GRM1: variants seen among roughly 807,000 people sequenced by gnomAD.
GRM1 encodes the protein glutamate metabotropic receptor 1, also known as metabotropic glutamate receptor 1.
Under a neutral mutation model 90.9 loss-of-function variants are expected in GRM1, and 33 were observed. The observed-to-expected ratio is 0.36, with a 90% CI of 0.28 to 0.49. The LOEUF (loss-of-function observed/expected upper bound fraction) is 0.49, where lower values mean the gene tolerates loss of function less well. Ranked by LOEUF, GRM1 falls within the 20% of genes least tolerant of loss-of-function variation. GRM1 has a pLI of 0.99. For missense variants in GRM1, 1,190 were observed against 1,534.3 expected (o/e 0.78, Z 3.75); for synonymous variants, 700 against 613.2 (o/e 1.14, Z -2.09).
chr6:146,062,596 A>C (rs1204239703), intron 1 of GRM1, among the ~76,000 whole-genome samples: 1 of 151,960 alleles, frequency 6.6e-6, no homozygotes, highest in Non-Finnish European at 1.5e-5. Context: ...TTTTTCCTTC[A>C]ATTTATCCAG....
upstream of GRM1, among the ~76,000 whole-genome samples, chr6:146,028,263 G>GTA (rs1470241605): frequency 1.3e-3 from 189 of 144,532 alleles, 2 homozygotes; most frequent in African/African-American, 4.9e-3. Flanking sequence ...GTGTGTGTGT[G>GTA]TGTGTGTGTG....
At chr6:146,254,442 T>A (rs1781414996) in intron 2 of GRM1, among the ~76,000 whole-genome samples, 1 of 152,210 alleles carries the variant, frequency 6.6e-6, no homozygotes, top group Non-Finnish European at 1.5e-5. Flanking sequence ...GGATTCTTGC[T>A]AGACAAAAAC....
intron 1 of GRM1, among the ~76,000 whole-genome samples, chr6:146,063,079 T>C (rs1473455302): frequency 6.6e-6 from 1 of 152,156 alleles, no homozygotes; most frequent in African/African-American, 2.4e-5. Flanking sequence ...CACCTTTGCT[T>C]AGACTTTTCT....
chr6:146,434,343 G>A lies in GRM1; in HGVS notation c.3132G>A (p.Ala1044=), dbSNP rs1429153080. The A allele has an allele frequency of 6.2e-6, 10 of 1,612,538 alleles. No homozygotes were observed. Among genetic ancestry groups the A allele is most frequent in the Non-Finnish European group, 8.5e-6 (10 of 1,178,952 alleles). ...LQGVVSNFST[A]IPDFHAVLAG... ...GAGTGGTCAGCAACTTCAGTACCGC[G>A]ATCCCGGATTTTCACGCGGTGCTGG... Residue 1044 remains alanine, a synonymous_variant, in exon 8 of 8, where the codon GCG becomes GCA. Coordinates refer to ENST00000282753, the MANE Select transcript of GRM1 (RefSeq NM_001278064.2).
At chr6:146,223,610 C>G (rs995655730) in intron 2 of GRM1, among the ~76,000 whole-genome samples, 1 of 151,976 alleles carries the variant, frequency 6.6e-6, no homozygotes, top group African/African-American at 2.4e-5. Context: ...AATTTTTTTT[C>G]AGGAATATCA....
intron 2 of GRM1, among the ~76,000 whole-genome samples, chr6:146,187,782 A>G (rs921542534): frequency 6.6e-5 from 10 of 151,616 alleles, no homozygotes; most frequent in Non-Finnish European, 1.0e-4. Context: ...TTTTTTATAA[A>G]ACAACACAAA....
intron 5 of GRM1, among the ~76,000 whole-genome samples, chr6:146,365,921 G>A (rs1057327851): frequency 6.6e-6 from 1 of 152,170 alleles, no homozygotes; most frequent in African/African-American, 2.4e-5. Context: ...GTCCCTGAGG[G>A]AGAAAGTCTC....
chr6:146,263,875 G>A (rs913526895), intron 2 of GRM1, among the ~76,000 whole-genome samples: 1 of 152,074 alleles, frequency 6.6e-6, no homozygotes, highest in East Asian at 1.9e-4. Flanking sequence ...TTGCTGTAAT[G>A]ACATTAAAAG....
At chr6:146,150,209 A>T (rs775105189) in intron 1 of GRM1, among the ~76,000 whole-genome samples, 2 of 152,174 alleles carry the variant, frequency 1.3e-5, no homozygotes, top group Non-Finnish European at 2.9e-5. Context: ...CCCAAAGAAT[A>T]ATTTAAACCA....
chr6:146,392,471 C>A (rs184929113), intron 6 of GRM1, among the ~76,000 whole-genome samples: 1 of 152,314 alleles, frequency 6.6e-6, no homozygotes, highest in Admixed American at 6.5e-5. Context: ...TATCTAAACT[C>A]ATGCAATCTT....
intron 2 of GRM1, among the ~76,000 whole-genome samples, chr6:146,248,185 G>C (rs1240955257): frequency 6.6e-6 from 1 of 151,914 alleles, no homozygotes; most frequent in South Asian, 2.1e-4. Context: ...ACCCATACCA[G>C]TGTAGCTGCT....
intron 3 of GRM1, among the ~76,000 whole-genome samples, chr6:146,311,997 T>C (rs547495234): frequency 6.6e-6 from 1 of 152,278 alleles, no homozygotes; most frequent in African/African-American, 2.4e-5. Context: ...TAATTTTTTA[T>C]TTTAATTTTG....
chr6:146,411,432 T>C (rs1282356246), intron 7 of GRM1, among the ~76,000 whole-genome samples: 1 of 152,188 alleles, frequency 6.6e-6, no homozygotes, highest in Admixed American at 6.5e-5. Context: ...GACAGGCCTC[T>C]AGGGCCAGAT....
intron 2 of GRM1, among the ~76,000 whole-genome samples, chr6:146,303,671 G>A (rs376894990): frequency 1.3e-4 from 20 of 152,154 alleles, no homozygotes; most frequent in Admixed American, 2.6e-4. Flanking sequence ...CACATGGGCC[G>A]ACCTCGTGCC....
chr6:146,064,812 G>T (rs1008903606), intron 1 of GRM1, among the ~76,000 whole-genome samples: 5 of 150,074 alleles, frequency 3.3e-5, no homozygotes, highest in Admixed American at 6.7e-5. Flanking sequence ...AAAAAATTTT[G>T]TTCTTTTTAT....
At chr6:146,123,513 T>G (rs1420682669) in intron 1 of GRM1, among the ~76,000 whole-genome samples, 2 of 152,190 alleles carry the variant, frequency 1.3e-5, no homozygotes, top group Non-Finnish European at 2.9e-5. Context: ...CCCAAAAACA[T>G]CTGTACGTTT....
intron 2 of GRM1, among the ~76,000 whole-genome samples, chr6:146,291,467 G>A (rs912746009): frequency 3.3e-5 from 5 of 151,296 alleles, no homozygotes; most frequent in African/African-American, 7.3e-5. Flanking sequence ...ATGTGTGTAT[G>A]TAGATACACA....
chr6:146,057,228 G>T (rs1775511656), intron 1 of GRM1, among the ~76,000 whole-genome samples: 1 of 152,046 alleles, frequency 6.6e-6, no homozygotes, highest in South Asian at 2.1e-4. Flanking sequence ...ATTCCTTGGA[G>T]CCAGAAATAA....
intron 1 of GRM1, among the ~76,000 whole-genome samples, chr6:146,057,520 A>G (rs1775521460): frequency 6.6e-6 from 1 of 152,176 alleles, no homozygotes; most frequent in Non-Finnish European, 1.5e-5. Context: ...AAGCAATTAG[A>G]TATGAAAGTG....
Sources: gnomAD v4.1 joint callset for allele counts (sites outside exome capture counted in the v4.1 genomes callset) on GRCh38, gnomAD v4.1.1 for gene constraint, MANE v1.5 for transcripts, NCBI Gene and HGNC (gene_info 2026-07-23, HGNC 2026-07-21) for gene names.